The following FBXO15 variants were observed in gnomAD, a reference collection of about 807,000 sequenced individuals.
The protein encoded by FBXO15 is F-box protein 15, also known as F-box only protein 15.
Under a neutral mutation model 49.5 loss-of-function variants are expected in FBXO15, and 30 were observed. The ratio of observed to expected loss-of-function variants is 0.61; its 90% CI spans 0.45 to 0.82. The LOEUF (loss-of-function observed/expected upper bound fraction) is 0.82. Ranked by LOEUF, FBXO15 falls within the 40% of genes least tolerant of loss-of-function variation. The pLI, the probability that FBXO15 is intolerant of heterozygous loss-of-function variation, is 0.00. For missense variants in FBXO15, 591 were observed against 631.5 expected (o/e 0.94, Z 0.69); for synonymous variants, 250 against 232.7 (o/e 1.07, Z -0.68).
At chr18:74,093,828 A>G (rs1251915126) in intron 8 of FBXO15, among the ~76,000 whole-genome samples, 2 of 152,204 alleles carry the variant, frequency 1.3e-5, no homozygotes, top group African/African-American at 4.8e-5. Flanking sequence ...TCTTAATGGC[A>G]TCTAGAATAG....
chr18:74,087,758 A>C lies in FBXO15; in HGVS notation c.1139-5707T>G, dbSNP rs543396707. 2.0e-5 allele frequency among the ~76,000 whole-genome samples: 3 copies of C among 152,310 alleles called. No individual in the cohort carries two copies. The East Asian group carries it at 5.8e-4, about 29-fold the overall frequency. On this transcript the variant is annotated intron_variant, in intron 8 of 9. Transcript: ENST00000419743. ...AATGGGATTGCTAGGTCAAATGGTA[A>C]TTCTCTTTGCAGTTCTCTGAGAAAT...
chr18:74,120,888 T>C (rs1014952557), intron 8 of FBXO15, among the ~76,000 whole-genome samples: 1 of 151,798 alleles, frequency 6.6e-6, no homozygotes, highest in African/African-American at 2.4e-5. Flanking sequence ...AAGTTAGGTA[T>C]CTGAGAAGAT....
chr18:74,130,862 T>C (rs187097692), intron 3 of FBXO15: 41 of 527,646 alleles, frequency 7.8e-5, no homozygotes, highest in Non-Finnish European at 1.2e-4. Flanking sequence ...AAAAACACAT[T>C]TTAAAAAAAG....
intron 2 of FBXO15, among the ~76,000 whole-genome samples, chr18:74,136,948 ATTTG>A (rs1237752800): frequency 6.6e-6 from 1 of 152,194 alleles, no homozygotes. Flanking sequence ...ATGATTTTAA[ATTTG>A]TTTATTTTTC....
intron 9 of FBXO15, among the ~76,000 whole-genome samples, chr18:74,079,354 A>C (rs950698046): frequency 3.3e-5 from 5 of 152,202 alleles, no homozygotes; most frequent in Non-Finnish European, 5.9e-5. Context: ...GTAAAATAGC[A>C]TGGTAACCAC....
chr18:74,084,683 A>G (rs1264325479), intron 8 of FBXO15, among the ~76,000 whole-genome samples: 1 of 152,202 alleles, frequency 6.6e-6, no homozygotes, highest in Non-Finnish European at 1.5e-5. Flanking sequence ...AAAATTCAGC[A>G]AAATACAATT....
At chr18:74,089,467 T>C (rs1912917254) in intron 8 of FBXO15, among the ~76,000 whole-genome samples, 1 of 152,172 alleles carries the variant, frequency 6.6e-6, no homozygotes, top group Admixed American at 6.5e-5. Context: ...CAGTACTATG[T>C]TGGAGTGGTG....
intron 6 of FBXO15, 91 bp downstream of exon 6, chr18:74,125,884 G>A (rs1008479487): frequency 2.0e-6 from 3 of 1,515,602 alleles, no homozygotes; most frequent in African/African-American, 2.8e-5. Flanking sequence ...AAAGCTTAAA[G>A]GATTTTACAT....
intron 9 of FBXO15, among the ~76,000 whole-genome samples, chr18:74,077,234 T>C (rs750936396): frequency 6.6e-6 from 1 of 152,108 alleles, no homozygotes; most frequent in South Asian, 2.1e-4. Context: ...ATGAGTGTGA[T>C]AAAATGAGAG....
intron 9 of FBXO15, chr18:74,078,601 G>C (rs549830904): frequency 1.3e-5 from 2 of 152,558 alleles, no homozygotes; most frequent in East Asian, 1.9e-4. Context: ...CTTCTGGGGG[G>C]GGATGCATGT....
chr18:74,111,261 CAAAAAAAAAAAA>C (rs60236226), intron 8 of FBXO15, among the ~76,000 whole-genome samples: 1 of 84,362 alleles, frequency 1.2e-5, no homozygotes, highest in African/African-American at 3.8e-5. Context: ...GTCTCTGTCT[CAAAAAAAAAAAA>C]AAAAAGAAAA....
chr18:74,135,294 T>G (rs192619184), intron 3 of FBXO15, among the ~76,000 whole-genome samples: 44 of 152,322 alleles, frequency 2.9e-4, no homozygotes, highest in East Asian at 1.7e-3. Context: ...TAAGTTAACT[T>G]GATTGGCATG....
At chr18:74,076,005 C>T (rs541115009) in intron 9 of FBXO15, among the ~76,000 whole-genome samples, 25 of 152,294 alleles carry the variant, frequency 1.6e-4, no homozygotes, top group Middle Eastern at 6.8e-3. Flanking sequence ...AACGGTCCCT[C>T]AAGTCCAGCA....
chr18:74,086,224 T>TA (rs1912730999), intron 8 of FBXO15, among the ~76,000 whole-genome samples: 4 of 151,748 alleles, frequency 2.6e-5, no homozygotes. Context: ...ATTACAACAA[T>TA]AAAAAAGACA....
intron 8 of FBXO15, among the ~76,000 whole-genome samples, chr18:74,113,870 T>G (rs1022740815): frequency 6.6e-6 from 1 of 152,250 alleles, no homozygotes; most frequent in African/African-American, 2.4e-5. Flanking sequence ...AAGACACAAC[T>G]GGACTATTTC....
intron 8 of FBXO15, among the ~76,000 whole-genome samples, chr18:74,094,468 C>T (rs1943930): frequency 0.22 from 33,057 of 152,108 alleles, 4,620 homozygotes; most frequent in African/African-American, 0.38. Context: ...ATATCCTGTA[C>T]AGCCTACAGA....
intron 8 of FBXO15, among the ~76,000 whole-genome samples, chr18:74,088,921 A>G (rs1169961493): frequency 2.6e-5 from 4 of 152,172 alleles, no homozygotes; most frequent in African/African-American, 4.8e-5. Context: ...TAGATCTCAT[A>G]GAAGTCTTTC....
chr18:74,125,707 TG>T (rs1429081025), intron 6 of FBXO15, among the ~76,000 whole-genome samples: 7 of 151,978 alleles, frequency 4.6e-5, no homozygotes, highest in African/African-American at 1.7e-4. Flanking sequence ...AAGGAAAACA[TG>T]AAGGCAGGAA....
chr18:74,128,256 C>T (rs1204328521), intron 5 of FBXO15, among the ~76,000 whole-genome samples: 1 of 150,904 alleles, frequency 6.6e-6, no homozygotes, highest in African/African-American at 2.4e-5. Flanking sequence ...GAAGAGAGCT[C>T]AGTAATCACT....
Sources: gnomAD v4.1 joint callset for allele counts (sites outside exome capture counted in the v4.1 genomes callset) on GRCh38, gnomAD v4.1.1 for gene constraint, MANE v1.5 for transcripts, NCBI Gene and HGNC (gene_info 2026-07-23, HGNC 2026-07-21) for gene names.